Variants in LINGO2 observed in about 807,000 individuals in gnomAD.
The protein encoded by LINGO2 is leucine rich repeat and Ig domain containing 2.
In LINGO2, 14 loss-of-function variants were observed where a neutral mutation model predicts 30.6. That is an observed-to-expected ratio of 0.46 (90% CI 0.30 to 0.72). The LOEUF (loss-of-function observed/expected upper bound fraction) is 0.72, where lower values mean the gene tolerates loss of function less well. Ranked by LOEUF, LINGO2 falls within the 30% of genes least tolerant of loss-of-function variation. The pLI, the probability that LINGO2 is intolerant of heterozygous loss-of-function variation, is 0.07. For missense variants in LINGO2, 729 were observed against 751.7 expected (o/e 0.97, Z 0.35); for synonymous variants, 317 against 288.5 (o/e 1.10, Z -1.00).
intron 4 of LINGO2, among the ~76,000 whole-genome samples, chr9:28,240,176 T>C (rs1466990102): frequency 3.3e-5 from 5 of 152,252 alleles, no homozygotes; most frequent in Admixed American, 3.3e-4. Flanking sequence ...ATTGGAAGAA[T>C]TAATATTGTT....
chr9:28,718,471 C>T, the LINGO2 span, among the ~76,000 whole-genome samples: 1 of 152,024 alleles, frequency 6.6e-6, no homozygotes, highest in East Asian at 1.9e-4. Context: ...CGAAATTATA[C>T]CCTTGGGCCT....
rs1010994797 is a variant in LINGO2 at position 28,561,285 on chromosome 9, T to TA, written c.-364-85261dup. Among the ~76,000 whole-genome samples the TA allele has an allele frequency of 2.6e-5, 4 of 151,636 alleles. No individual in the cohort carries two copies. The East Asian group carries it at 7.8e-4, about 29-fold the overall frequency. On this transcript the variant is annotated intron_variant, in intron 1 of 5. Coordinates refer to ENST00000379992, the Ensembl canonical transcript of LINGO2. ...AGACATCATTGGATAGAGTTACCGT[T>TA]AAAAAAAATTCACTCAATGTTATTC...
chr9:29,184,106 A>C, the LINGO2 span, among the ~76,000 whole-genome samples: 1 of 152,160 alleles, frequency 6.6e-6, no homozygotes. Flanking sequence ...ACAAGTATAT[A>C]CTTTCATATG....
the LINGO2 span, among the ~76,000 whole-genome samples, chr9:29,020,156 T>C: frequency 6.6e-6 from 1 of 152,172 alleles, no homozygotes; most frequent in African/African-American, 2.4e-5. Context: ...ATGGCTAACA[T>C]ATGCTCAAAA....
rs36101397 is a variant in LINGO2 at position 28,632,881 on chromosome 9, T to TAGAGAG, written c.-365+37313_-365+37318dup. ...TTATATATATATATATATATATATG[T>TAGAGAG]AGAGAGAGAGAGAGAGAGAGAGAGA... On this transcript the variant is annotated intron_variant, in intron 1 of 5. Coordinates refer to ENST00000379992, the Ensembl canonical transcript of LINGO2. Among the ~76,000 whole-genome samples the TAGAGAG allele has an allele frequency of 2.1e-3, 132 of 61,888 alleles. 1 individual carries two copies. Among genetic ancestry groups the TAGAGAG allele is most frequent in the African/African-American group, 7.3e-3 (106 of 14,456 alleles). 40.6% of individuals were successfully genotyped at this position (61,888 alleles called of 152,430 possible).
chr9:28,539,472 G>GCA (rs367843957), intron 1 of LINGO2, among the ~76,000 whole-genome samples: 2 of 151,782 alleles, frequency 1.3e-5, no homozygotes, highest in Middle Eastern at 3.4e-3. Context: ...AGGTATGTGT[G>GCA]CACACACACA....
the LINGO2 span, among the ~76,000 whole-genome samples, chr9:29,077,843 GATATAA>G: frequency 2.6e-4 from 40 of 151,926 alleles, no homozygotes; most frequent in African/African-American, 9.6e-4. Flanking sequence ...TTCTAACCTA[GATATAA>G]ATATAAAGCC....
chr9:28,800,526 C>T, the LINGO2 span, among the ~76,000 whole-genome samples: 2 of 152,012 alleles, frequency 1.3e-5, no homozygotes, highest in Non-Finnish European at 2.9e-5. Flanking sequence ...AGATGTATTG[C>T]TCTAGTCTAC....
the LINGO2 span, among the ~76,000 whole-genome samples, chr9:28,983,624 C>T: frequency 6.6e-6 from 1 of 151,686 alleles, no homozygotes; most frequent in Non-Finnish European, 1.5e-5. Flanking sequence ...ACAGTGACTA[C>T]AAAATTCTAT....
chr9:28,918,702 G>A, the LINGO2 span, among the ~76,000 whole-genome samples: 3 of 152,146 alleles, frequency 2.0e-5, no homozygotes, highest in South Asian at 2.1e-4. Context: ...CAACGTATGC[G>A]GAATAACGTT....
At chr9:28,742,092 T>A in the LINGO2 span, among the ~76,000 whole-genome samples, 1 of 152,112 alleles carries the variant, frequency 6.6e-6, no homozygotes, top group South Asian at 2.1e-4. Context: ...TAAAGCCACA[T>A]TGGCCTTCCT....
At chr9:28,095,539 C>T (rs1826219360) in intron 4 of LINGO2, among the ~76,000 whole-genome samples, 1 of 151,906 alleles carries the variant, frequency 6.6e-6, no homozygotes, top group South Asian at 2.1e-4. Context: ...CCCTTCCTTA[C>T]ACCTTATACA....
At chr9:29,065,308 C>A in the LINGO2 span, among the ~76,000 whole-genome samples, 1 of 152,054 alleles carries the variant, frequency 6.6e-6, no homozygotes, top group Non-Finnish European at 1.5e-5. Context: ...GTTTTTGTTG[C>A]AATTGCTTTT....
chr9:28,710,177 T>G, the LINGO2 span, among the ~76,000 whole-genome samples: 12 of 151,718 alleles, frequency 7.9e-5, no homozygotes, highest in Non-Finnish European at 1.5e-4. Flanking sequence ...GAAATTAGTA[T>G]GCTCATAACA....
chr9:29,148,122 T>C, the LINGO2 span, among the ~76,000 whole-genome samples: 1 of 152,058 alleles, frequency 6.6e-6, no homozygotes, highest in Non-Finnish European at 1.5e-5. Flanking sequence ...ATAATGACAA[T>C]GTTGCTGCTA....
chr9:28,725,849 G>A, the LINGO2 span, among the ~76,000 whole-genome samples: 1 of 152,042 alleles, frequency 6.6e-6, no homozygotes, highest in African/African-American at 2.4e-5. Context: ...AAATGTGCGT[G>A]TATGTGTGTG....
intron 3 of LINGO2, among the ~76,000 whole-genome samples, chr9:28,349,848 C>A (rs534328625): frequency 6.6e-6 from 1 of 152,096 alleles, no homozygotes; most frequent in Non-Finnish European, 1.5e-5. Flanking sequence ...CGATATTCAA[C>A]GTTCTTAAAG....
intron 2 of LINGO2, among the ~76,000 whole-genome samples, chr9:28,467,471 C>T (rs1412530393): frequency 1.3e-5 from 2 of 152,112 alleles, no homozygotes; most frequent in African/African-American, 4.8e-5. Flanking sequence ...ATTTTTTAGT[C>T]ATTGGAATTC....
chr9:28,686,915 G>A, the LINGO2 span, among the ~76,000 whole-genome samples: 10 of 152,086 alleles, frequency 6.6e-5, no homozygotes, highest in East Asian at 9.6e-4. Flanking sequence ...AGAAAAAGAC[G>A]CCTTTAAAAG....
Sources: allele counts gnomAD v4.1 joint callset (sites outside exome capture counted in the v4.1 genomes callset), GRCh38; gene constraint gnomAD v4.1.1; transcripts MANE v1.5; gene names NCBI Gene and HGNC (gene_info 2026-07-23, HGNC 2026-07-21).